SLC26A7: variants seen among roughly 807,000 people sequenced by gnomAD.
SLC26A7 encodes solute carrier family 26 member 7.
In SLC26A7, 59 loss-of-function variants were observed where a neutral mutation model predicts 82.5. The observed-to-expected ratio is 0.72, with a 90% CI of 0.58 to 0.89. The LOEUF (loss-of-function observed/expected upper bound fraction) is 0.89, where lower values mean the gene tolerates loss of function less well. Among genes scored for constraint, SLC26A7 ranks in the 40% least tolerant of loss-of-function variants. The pLI, the probability that SLC26A7 is intolerant of heterozygous loss-of-function variation, is 0.00. For missense variants in SLC26A7, 820 were observed against 793.0 expected, an observed-to-expected ratio of 1.03 and a Z score of -0.41; for synonymous variants, 271 against 274.3, an observed-to-expected ratio of 0.99 and a Z score of 0.12.
intron 2 of SLC26A7, among the ~76,000 whole-genome samples, chr8:91,238,201 A>T (rs957416156): frequency 6.6e-6 from 1 of 152,138 alleles, no homozygotes; most frequent in African/African-American, 2.4e-5. Flanking sequence ...GAAACATTAT[A>T]TTCCTTTTTT....
At chr8:91,386,989 A>C (rs1814818776) in intron 15 of SLC26A7, among the ~76,000 whole-genome samples, 1 of 152,170 alleles carries the variant, frequency 6.6e-6, no homozygotes, top group Non-Finnish European at 1.5e-5. Flanking sequence ...CTTTGTAAGA[A>C]AACATCTAAC....
At chr8:91,389,273 C>A in intron 15 of SLC26A7, 65 bp from the exon 16 acceptor site, 1 of 1,178,458 alleles carries the variant, frequency 8.5e-7, no homozygotes, top group Non-Finnish European at 1.3e-6. Context: ...TCCCACCAGT[C>A]AACAAAGCCA....
intron 4 of SLC26A7, among the ~76,000 whole-genome samples, chr8:91,309,671 A>C (rs1050339709): frequency 6.6e-6 from 1 of 152,140 alleles, no homozygotes; most frequent in African/African-American, 2.4e-5. Context: ...AGCATGAACG[A>C]AAAGAAAATA....
At chr8:91,312,665 G>A (rs1812522401) in intron 4 of SLC26A7, among the ~76,000 whole-genome samples, 1 of 151,776 alleles carries the variant, frequency 6.6e-6, no homozygotes, top group Non-Finnish European at 1.5e-5. Flanking sequence ...GTGTGTGTGT[G>A]TGTGTGTGTT....
At chr8:91,357,044 C>T (rs1255353087) in intron 11 of SLC26A7, among the ~76,000 whole-genome samples, 1 of 152,104 alleles carries the variant, frequency 6.6e-6, no homozygotes, top group African/African-American at 2.4e-5. Flanking sequence ...CTGCAGTTAC[C>T]TTTACTTAGG....
chr8:91,380,527 A>G (rs1181528055), intron 15 of SLC26A7, among the ~76,000 whole-genome samples: 1 of 152,294 alleles, frequency 6.6e-6, no homozygotes, highest in Non-Finnish European at 1.5e-5. Flanking sequence ...TATGCTACTA[A>G]TAAGCTATCA....
chr8:91,252,128 A>G (rs1391559433), intron 2 of SLC26A7, among the ~76,000 whole-genome samples: 1 of 152,092 alleles, frequency 6.6e-6, no homozygotes, highest in Non-Finnish European at 1.5e-5. Context: ...AGGCTCAAGC[A>G]CCTTTTTTTA....
At chr8:91,339,627 GATTT>G (rs60112814) in intron 7 of SLC26A7, among the ~76,000 whole-genome samples, 56,113 of 146,850 alleles carry the variant, frequency 0.38, 12,611 homozygotes, top group South Asian at 0.53. Context: ...CTGCCTGAGG[GATTT>G]ATTTATTTAT....
chr8:91,289,272 T>C lies in SLC26A7; in HGVS notation c.304+26T>C, dbSNP rs549015633. ...GTAATAATTCCTATGTTTATGCTTCTAATGTTACTCGCAAAAAAGACTTAG... is the reference window on the plus strand; with the variant it reads ...GTAATAATTCCTATGTTTATGCTTCCAATGTTACTCGCAAAAAAGACTTAG... On this transcript the variant is annotated intron_variant, in intron 3 of 18. Transcript: ENST00000276609. 9.1e-6 allele frequency: 14 copies of C among 1,538,230 alleles called. No individual in the cohort carries two copies. In the African/African-American group the frequency reaches 1.6e-4, roughly 18 times the overall value.
chr8:91,298,993 C>T (rs1463128399), intron 4 of SLC26A7, among the ~76,000 whole-genome samples: 6 of 152,158 alleles, frequency 3.9e-5, no homozygotes, highest in Non-Finnish European at 4.4e-5. Flanking sequence ...AATGTGTTCT[C>T]AGCCTTTTGA....
intron 1 of SLC26A7, among the ~76,000 whole-genome samples, chr8:91,215,453 T>C (rs1810026774): frequency 3.3e-5 from 5 of 152,126 alleles, no homozygotes; most frequent in Admixed American, 3.3e-4. Flanking sequence ...AATTCTACCA[T>C]TCAACAAACA....
chr8:91,240,278 C>A (rs191498458), intron 2 of SLC26A7, among the ~76,000 whole-genome samples: 1 of 152,202 alleles, frequency 6.6e-6, no homozygotes, highest in African/African-American at 2.4e-5. Flanking sequence ...ATGTATTTTA[C>A]TGCTAGTAAT....
At chr8:91,241,597 A>C (rs867358528) in intron 2 of SLC26A7, among the ~76,000 whole-genome samples, 8 of 152,152 alleles carry the variant, frequency 5.3e-5, no homozygotes, top group African/African-American at 1.9e-4. Context: ...CAAATTTTTA[A>C]AGTCAACTTT....
chr8:91,241,598 A>C (rs1254345338), intron 2 of SLC26A7, among the ~76,000 whole-genome samples: 1 of 152,162 alleles, frequency 6.6e-6, no homozygotes, highest in East Asian at 1.9e-4. Flanking sequence ...AAATTTTTAA[A>C]GTCAACTTTA....
intron 15 of SLC26A7, among the ~76,000 whole-genome samples, chr8:91,371,133 A>T (rs1814348018): frequency 6.6e-6 from 1 of 151,928 alleles, no homozygotes; most frequent in African/African-American, 2.4e-5. Context: ...AAAAGAATGA[A>T]ATAGCATTAT....
chr8:91,394,859 G>GT (rs776134961), intron 18 of SLC26A7: 22 of 781,334 alleles, frequency 2.8e-5, no homozygotes, highest in Non-Finnish European at 4.2e-5. Flanking sequence ...TACACCATCT[G>GT]TAAGTGGTAG....
At chr8:91,367,359 G>C (rs1269944573) in intron 14 of SLC26A7, among the ~76,000 whole-genome samples, 1 of 152,182 alleles carries the variant, frequency 6.6e-6, no homozygotes, top group East Asian at 1.9e-4. Flanking sequence ...CTCTAAACGT[G>C]ATAGAATATG....
intron 4 of SLC26A7, among the ~76,000 whole-genome samples, chr8:91,311,234 G>A (rs755102602): frequency 1.6e-4 from 24 of 152,084 alleles, no homozygotes; most frequent in Non-Finnish European, 3.2e-4. Flanking sequence ...CTTCAGTGAG[G>A]TTGTTGCATC....
At chr8:91,309,419 C>A (rs1316182822) in intron 4 of SLC26A7, among the ~76,000 whole-genome samples, 1 of 151,620 alleles carries the variant, frequency 6.6e-6, no homozygotes, top group Non-Finnish European at 1.5e-5. Context: ...TCTGAAACCT[C>A]CCCCTCCAGC....
Sources: gnomAD v4.1 joint callset for allele counts (sites outside exome capture counted in the v4.1 genomes callset) on GRCh38, gnomAD v4.1.1 for gene constraint, MANE v1.5 for transcripts, NCBI Gene and HGNC (gene_info 2026-07-23, HGNC 2026-07-21) for gene names.